Variants in DDX59 observed in about 807,000 individuals in gnomAD.
DDX59 encodes probable ATP-dependent RNA helicase DDX59.
A neutral mutation model predicts 51.9 loss-of-function variants in DDX59; 30 were observed. The ratio of observed to expected loss-of-function variants is 0.58; its 90% CI spans 0.43 to 0.78. DDX59 has a LOEUF of 0.78. Among genes scored for constraint, DDX59 ranks in the 30% least tolerant of loss-of-function variants. DDX59 has a pLI of 0.00. For synonymous variants in DDX59, 255 were observed against 253.3 expected, an observed-to-expected ratio of 1.01 and a Z score of -0.06; for missense variants, 672 against 730.8, an observed-to-expected ratio of 0.92 and a Z score of 0.93.
At chr1:200,650,032 G>C (rs1343166230) in intron 5 of DDX59, among the ~76,000 whole-genome samples, 1 of 151,904 alleles carries the variant, frequency 6.6e-6, no homozygotes, top group Non-Finnish European at 1.5e-5. Flanking sequence ...TTTTAGTAGA[G>C]ACGGGGTTTC....
chr1:200,644,095 A>C lies in DDX59; in HGVS notation c.*159T>G, dbSNP rs1661137468. On this transcript the variant is annotated 3_prime_UTR_variant, in exon 8 of 8. Transcript: ENST00000331314. ...ATTCATTTTCTGATGTTTTTAATTT[A>C]TAAGAATTAAGGGAAATAAATACAA... 1.6e-6 allele frequency: 1 copy of C among 610,246 alleles called. No individual in the cohort carries two copies. Among genetic ancestry groups the C allele is most frequent in the Non-Finnish European group, 2.2e-6 (1 of 463,700 alleles). The allele number at this position is 610,246 out of a possible 1,614,324, so 37.8% of individuals were successfully genotyped here. A position where few individuals can be genotyped will look rare whatever the true frequency, so the allele number is the denominator to read the frequency against.
At chr1:200,654,468 C>T (rs1257394715) in intron 4 of DDX59, 1 of 152,060 alleles carries the variant, frequency 6.6e-6, no homozygotes, top group Admixed American at 6.5e-5. Context: ...AGATTCCTGG[C>T]TCCAACTCAC....
chr1:200,646,249 G>A (rs532929630), intron 7 of DDX59, among the ~76,000 whole-genome samples: 3 of 152,056 alleles, frequency 2.0e-5, no homozygotes, highest in South Asian at 2.1e-4. Flanking sequence ...TGGAAGAATC[G>A]CCTGAGTCCA....
chr1:200,658,498 T>G (rs1662174391), intron 4 of DDX59, among the ~76,000 whole-genome samples: 1 of 152,130 alleles, frequency 6.6e-6, no homozygotes. Flanking sequence ...AGTTCAAGAC[T>G]AATCAGCCTG....
intron 1 of DDX59, among the ~76,000 whole-genome samples, chr1:200,667,930 T>C (rs1381220933): frequency 1.3e-5 from 2 of 152,006 alleles, no homozygotes; most frequent in East Asian, 3.9e-4. Flanking sequence ...ATACATAACA[T>C]AGCATAATGA....
At chr1:200,650,944 G>T (rs1661620514) in intron 4 of DDX59, among the ~76,000 whole-genome samples, 1 of 151,984 alleles carries the variant, frequency 6.6e-6, no homozygotes, top group African/African-American at 2.4e-5. Flanking sequence ...ATCAGTAGGG[G>T]ATTTGCTAAA....
At chr1:200,647,270 G>C (rs2102840680) in intron 7 of DDX59, among the ~76,000 whole-genome samples, 1 of 152,276 alleles carries the variant, frequency 6.6e-6, no homozygotes, top group Non-Finnish European at 1.5e-5. Flanking sequence ...ATTTCTGCTA[G>C]AGAGAGAAGC....
Position 200,659,212 on chromosome 1 carries a change from CT to C in DDX59, c.973-97del, listed in dbSNP as rs1662227272. ...TTGAGCAACTAATATGTACCAGACA[CT>C]GTGTTAAGCACCCAGAATTCAGTGA... On this transcript the variant is annotated intron_variant, in intron 3 of 7. Coordinates refer to ENST00000331314, the MANE Select transcript of DDX59 (RefSeq NM_001031725.6). 3 of 876,560 alleles carry C rather than the reference CT, an allele frequency of 3.4e-6. No individual in the cohort carries two copies. In the African/African-American group the frequency reaches 5.0e-5, roughly 15 times the overall value. The allele number at this position is 876,560 out of a possible 1,614,324, so 54.3% of individuals were successfully genotyped here. A position where few individuals can be genotyped will look rare whatever the true frequency, so the allele number is the denominator to read the frequency against.
At chr1:200,658,152 G>A (rs1403360104) in intron 4 of DDX59, among the ~76,000 whole-genome samples, 2 of 152,176 alleles carry the variant, frequency 1.3e-5, no homozygotes, top group African/African-American at 2.4e-5. Context: ...GCTGGGTAAC[G>A]CCAGGCCTCT....
intron 4 of DDX59, among the ~76,000 whole-genome samples, chr1:200,651,623 T>A (rs183339032): frequency 5.3e-5 from 8 of 152,160 alleles, no homozygotes; most frequent in Admixed American, 4.6e-4. Flanking sequence ...GCACCAGGAG[T>A]GGACTAAGAC....
At chr1:200,660,795 T>C (rs181326063) in intron 3 of DDX59, among the ~76,000 whole-genome samples, 3 of 152,164 alleles carry the variant, frequency 2.0e-5, no homozygotes, top group South Asian at 4.2e-4. Context: ...CACTGAAACA[T>C]ACCAATTTCA....
Position 200,644,530 on chromosome 1 carries a change from G to A in DDX59, c.1597-13C>T. The A allele has an allele frequency of 1.3e-6, 2 of 1,544,576 alleles. No individual in the cohort carries two copies. The highest frequency in any genetic ancestry group is 1.7e-6 in the Non-Finnish European group (2 of 1,148,510). ...CTACTCTTCCAATCTGAAATAAAAT[G>A]CAAAGAACATTTTCAAGATGTCCAT... On this transcript the variant is annotated splice_polypyrimidine_tract_variant and intron_variant, in intron 7 of 7. Transcript: ENST00000331314.
rs141196498 is a variant in DDX59, at chr1:200,669,895, T to TGCGGGGCGGAGCGGG, written c.-141_-140insCCCGCTCCGCCCCGC. ...CAGGACTGCGGCCCGGGGTTGGTGGTGCGGAGCGGAGCGGAGCGGAGCGTA... is the reference window on the plus strand; with the variant it reads ...CAGGACTGCGGCCCGGGGTTGGTGGTGCGGGGCGGAGCGGGGCGGAGCGGAGCGGAGCGGAGCGTA... On this transcript the variant is annotated 5_prime_UTR_variant, in exon 1 of 8. Coordinates refer to ENST00000331314, the MANE Select transcript of DDX59 (RefSeq NM_001031725.6). 1.6e-5 allele frequency: 2 copies of TGCGGGGCGGAGCGGG among 122,182 alleles called. No individual in the cohort carries two copies. Among genetic ancestry groups the TGCGGGGCGGAGCGGG allele is most frequent in the African/African-American group, 5.4e-5 (2 of 37,258 alleles). The allele number at this position is 122,182 out of a possible 1,614,324, so 7.6% of individuals were successfully genotyped here.
chr1:200,661,270 G>T lies in DDX59; in HGVS notation c.973-2154C>A, dbSNP rs984715174. Among the ~76,000 whole-genome samples, 3 of 152,126 alleles carry T rather than the reference G, an allele frequency of 2.0e-5. No individual in the cohort carries two copies. The South Asian group carries it at 6.2e-4, about 31-fold the overall frequency. On this transcript the variant is annotated intron_variant, in intron 3 of 7. Transcript: ENST00000331314. ...ATTGTAAACCTTTGAATAACAGGAA[G>T]CTGTGAGTCCATACAGATATAAATA...
chr1:200,665,957 T>G lies in DDX59; in HGVS notation c.784A>C (p.Ile262Leu). ...GKTAAFLLPVIMRALFESKTP... is the reference protein window; with the variant it reads ...GKTAAFLLPVLMRALFESKTP... ...CTTACCTCGAATAAAGCTCGCATGA[T>G]AACAGGAAGAAGAAAAGCAGCTGTT... Residue 262 changes from isoleucine to leucine, a missense_variant, in exon 2 of 8, where the codon ATC becomes CTC. Coordinates refer to ENST00000331314, the MANE Select transcript of DDX59 (RefSeq NM_001031725.6). 7.5e-6 allele frequency: 12 copies of G among 1,609,850 alleles called. No individual in the cohort carries two copies. The highest frequency in any genetic ancestry group is 1.0e-5 in the Non-Finnish European group (12 of 1,177,852).
chr1:200,646,932 G>A (rs1661330110), intron 7 of DDX59, among the ~76,000 whole-genome samples: 2 of 152,134 alleles, frequency 1.3e-5, no homozygotes, highest in South Asian at 4.1e-4. Context: ...ATGAAGTACC[G>A]ATACGTTCTA....
chr1:200,652,003 G>A (rs1238832495), intron 4 of DDX59, among the ~76,000 whole-genome samples: 53 of 59,730 alleles, frequency 8.9e-4, no homozygotes, highest in Middle Eastern at 9.1e-3. Context: ...GTGAGCCTCC[G>A]TCTCAAAAAA....
Position 200,650,462 on chromosome 1 carries a change from T to TTC in DDX59, c.1276_1277insGA (p.Asp426GlyfsTer13). 6.2e-7 allele frequency: 1 copy of TTC among 1,613,790 alleles called. No homozygotes were observed. Among genetic ancestry groups the TTC allele is most frequent in the Middle Eastern group, 1.7e-4 (1 of 6,060 alleles). The stretch of plus-strand genomic sequence containing the variant: ...AAATAATTTTTTCTTTTTGGCTGGG[T>TTC]CTTCTACCCACAAAATAATCTGACG... On this transcript the variant is annotated frameshift_variant, in exon 5 of 8. Transcript: ENST00000331314. LOFTEE classifies it high-confidence loss of function.
intron 7 of DDX59, among the ~76,000 whole-genome samples, chr1:200,645,175 A>G (rs967594318): frequency 6.6e-6 from 1 of 152,212 alleles, no homozygotes; most frequent in Non-Finnish European, 1.5e-5. Context: ...AGGTCAAAAA[A>G]TTCTGAAAGC....
Sources: allele counts gnomAD v4.1 joint callset (sites outside exome capture counted in the v4.1 genomes callset), GRCh38; gene constraint gnomAD v4.1.1; transcripts MANE v1.5; gene names NCBI Gene and HGNC (gene_info 2026-07-23, HGNC 2026-07-21).